SEC62: variants seen among roughly 807,000 people sequenced by gnomAD.
SEC62 encodes translocation protein SEC62.
In SEC62, 10 loss-of-function variants were observed where a neutral mutation model predicts 47.5. That is an observed-to-expected ratio of 0.21 (90% CI 0.13 to 0.36). SEC62 has a LOEUF of 0.36. SEC62 is among the 10% of genes least tolerant of loss of function. The pLI, the probability that SEC62 is intolerant of heterozygous loss-of-function variation, is 1.00. For missense variants in SEC62, 327 were observed against 464.1 expected, an observed-to-expected ratio of 0.70 and a Z score of 2.71; for synonymous variants, 136 against 150.5, an observed-to-expected ratio of 0.90 and a Z score of 0.71.
At chr3:169,976,086 G>A (rs1017032745) in intron 2 of SEC62, among the ~76,000 whole-genome samples, 5 of 152,118 alleles carry the variant, frequency 3.3e-5, no homozygotes, top group African/African-American at 9.7e-5. Flanking sequence ...GGTTGAGTTT[G>A]CCTTTCTCAT....
Position 169,997,959 on chromosome 3 carries a change from A to G in SEC62, c.*4896A>G, listed in dbSNP as rs955036136. The G allele has an allele frequency of 6.6e-6, 1 of 152,266 alleles. No homozygotes were observed. The highest frequency in any genetic ancestry group is 6.5e-5 in the Admixed American group (1 of 15,290). 9.4% of individuals were successfully genotyped at this position (152,266 alleles called of 1,614,324 possible). A position where few individuals can be genotyped will look rare whatever the true frequency, so the allele number is the denominator to read the frequency against. On this transcript the variant is annotated 3_prime_UTR_variant, in exon 8 of 8. Coordinates refer to ENST00000337002, the MANE Select transcript of SEC62 (RefSeq NM_003262.4). ...ATAAAACATATATTAGATATCTGCA[A>G]CAACTGTGATGTAACATGAAAATAC... is the stretch of plus-strand genomic sequence containing the variant.
At chr3:169,981,014 G>A (rs952767875) in intron 3 of SEC62, among the ~76,000 whole-genome samples, 3 of 151,968 alleles carry the variant, frequency 2.0e-5, no homozygotes, top group Admixed American at 1.3e-4. Flanking sequence ...AAGACATTCT[G>A]GAGTAAAAAA....
At chr3:169,983,378 C>T in intron 5 of SEC62, 125 bp downstream of exon 5, 1 of 467,192 alleles carries the variant, frequency 2.1e-6, no homozygotes, top group South Asian at 5.0e-5. Context: ...TGTATAAAAG[C>T]TACTCCATTT....
intron 6 of SEC62, 120 bp downstream of exon 6, chr3:169,985,985 C>A: frequency 8.4e-6 from 5 of 593,770 alleles, no homozygotes; most frequent in Non-Finnish European, 1.4e-5. Flanking sequence ...TTTAAAAATA[C>A]TTTAAATAAA....
rs1714984415 is a variant in SEC62, at chr3:169,981,970, T to C, written c.252-737T>C. ...GACCTGCTTATTTGGGGGAAGAGCATTCTAAGTAAAGGGAACAGCCAGTGT... is the reference window on the plus strand; with the variant it reads ...GACCTGCTTATTTGGGGGAAGAGCACTCTAAGTAAAGGGAACAGCCAGTGT... On this transcript the variant is annotated intron_variant, in intron 3 of 7. Transcript: ENST00000337002. Among the ~76,000 whole-genome samples the C allele has an allele frequency of 2.6e-5, 4 of 152,098 alleles. No individual in the cohort carries two copies. The South Asian group carries it at 8.3e-4, about 32-fold the overall frequency.
chr3:169,975,280 CAA>C (rs5854360), intron 1 of SEC62, among the ~76,000 whole-genome samples: 8 of 70,620 alleles, frequency 1.1e-4, no homozygotes, highest in African/African-American at 1.2e-4. Context: ...GACTCCATCT[CAA>C]AAAAAAAAAA....
In SEC62 at chr3:169,984,618, A is replaced by G. The variant is rs1283161295; in HGVS notation, c.550-1187A>G. ...TTCTGTAGAAAGCAGCATGCACTCC[A>G]TAACTTTTAAAGTTGTGAAATATCT... On this transcript the variant is annotated intron_variant, in intron 5 of 7. Coordinates refer to ENST00000337002, the MANE Select transcript of SEC62 (RefSeq NM_003262.4). Among the ~76,000 whole-genome samples, 5 of 152,232 alleles carry G rather than the reference A, an allele frequency of 3.3e-5. No homozygotes were observed. The East Asian group carries it at 7.7e-4, about 23-fold the overall frequency.
rs555250313 is a variant in SEC62, at chr3:169,993,395, A to T, written c.*332A>T. The stretch of plus-strand genomic sequence containing the variant: ...TAGTTTTATGGCTTTTTACTGTTAG[A>T]CTAATCAAAAATAACTTTAAAAGGA... On this transcript the variant is annotated 3_prime_UTR_variant, in exon 8 of 8. Coordinates refer to ENST00000337002, the MANE Select transcript of SEC62 (RefSeq NM_003262.4). 3.5e-5 allele frequency: 7 copies of T among 197,824 alleles called. 1 individual carries two copies. In the South Asian group the frequency reaches 9.2e-4, roughly 26 times the overall value. 12.3% of individuals were successfully genotyped at this position (197,824 alleles called of 1,614,324 possible).
chr3:169,993,190 T>G lies in SEC62; in HGVS notation c.*127T>G. The G allele has an allele frequency of 1.4e-6, 1 of 713,868 alleles. No homozygotes were observed. Among genetic ancestry groups the G allele is most frequent in the Non-Finnish European group, 2.3e-6 (1 of 433,992 alleles). 44.2% of individuals were successfully genotyped at this position (713,868 alleles called of 1,614,324 possible). A position where few individuals can be genotyped will look rare whatever the true frequency, so the allele number is the denominator to read the frequency against. On this transcript the variant is annotated 3_prime_UTR_variant, in exon 8 of 8. Coordinates refer to ENST00000337002, the MANE Select transcript of SEC62 (RefSeq NM_003262.4). ...TCTATCTACTGAAATGTATTTGACATTCAAGCAGTTATATTCGGTCCTTCA... is the reference window on the plus strand; with the variant it reads ...TCTATCTACTGAAATGTATTTGACAGTCAAGCAGTTATATTCGGTCCTTCA...
chr3:169,972,313 G>A (rs1440676525), intron 1 of SEC62, among the ~76,000 whole-genome samples: 1 of 152,120 alleles, frequency 6.6e-6, no homozygotes, highest in African/African-American at 2.4e-5. Context: ...GCCAAATTTT[G>A]TGTCATTCTC....
chr3:169,972,606 G>C (rs1434676749), intron 1 of SEC62, among the ~76,000 whole-genome samples: 4 of 116,986 alleles, frequency 3.4e-5, no homozygotes, highest in African/African-American at 1.3e-4. Context: ...TTTTTATGTA[G>C]AGAAGGAGTT....
chr3:169,971,097 G>T (rs1300582420), intron 1 of SEC62, among the ~76,000 whole-genome samples: 1 of 149,618 alleles, frequency 6.7e-6, no homozygotes, highest in African/African-American at 2.5e-5. Context: ...AAGAGACAAG[G>T]TCTCACTGTG....
rs1017750979 is a variant in SEC62 at position 169,993,333 on chromosome 3, T to C, written c.*270T>C. ...ATTTTGACAGTTATCAAAGATGTAC[T>C]TTCCACAGTTAAATTTACATTAATG... On this transcript the variant is annotated 3_prime_UTR_variant, in exon 8 of 8. Coordinates refer to ENST00000337002, the MANE Select transcript of SEC62 (RefSeq NM_003262.4). The C allele has an allele frequency of 1.3e-5, 4 of 303,518 alleles. No individual in the cohort carries two copies. The highest frequency in any genetic ancestry group is 8.7e-5 in the African/African-American group (4 of 45,856). The allele number at this position is 303,518 out of a possible 1,614,324, so 18.8% of individuals were successfully genotyped here. A position where few individuals can be genotyped will look rare whatever the true frequency, so the allele number is the denominator to read the frequency against.
Position 169,976,644 on chromosome 3 carries a change from A to G in SEC62, c.146-302A>G, listed in dbSNP as rs192483553. Among the ~76,000 whole-genome samples, 55 of 152,354 alleles carry G rather than the reference A, an allele frequency of 3.6e-4. No homozygotes were observed. The East Asian group carries it at 9.6e-3, about 27-fold the overall frequency. ...TATCTACATATGCTTGTGATTAATA[A>G]GAGTGATAGTTACATACAGATATTT... On this transcript the variant is annotated intron_variant, in intron 2 of 7. Coordinates refer to ENST00000337002, the MANE Select transcript of SEC62 (RefSeq NM_003262.4).
At chr3:169,968,665 C>G (rs1714616986) in intron 1 of SEC62, 1 of 152,122 alleles carries the variant, frequency 6.6e-6, no homozygotes, top group South Asian at 2.1e-4. Context: ...CTACTCCTTA[C>G]CCAGGATGAA....
chr3:169,974,760 T>C (rs570663183), intron 1 of SEC62, among the ~76,000 whole-genome samples: 1 of 152,326 alleles, frequency 6.6e-6, no homozygotes, highest in South Asian at 2.1e-4. Flanking sequence ...GGAAAGAGAA[T>C]ACAAATTGTC....
chr3:169,978,227 C>T (rs1486717592), intron 3 of SEC62, among the ~76,000 whole-genome samples: 1 of 151,970 alleles, frequency 6.6e-6, no homozygotes, highest in Admixed American at 6.6e-5. Context: ...TGCAGTGAGC[C>T]GAGGTTGCGC....
intron 3 of SEC62, among the ~76,000 whole-genome samples, chr3:169,981,477 A>G (rs1714971921): frequency 6.6e-6 from 1 of 152,206 alleles, no homozygotes; most frequent in Non-Finnish European, 1.5e-5. Flanking sequence ...AGTGAGGTGT[A>G]AGTAGAAAGG....
intron 7 of SEC62, among the ~76,000 whole-genome samples, chr3:169,988,608 A>G (rs575980491): frequency 4.6e-5 from 7 of 152,308 alleles, no homozygotes; most frequent in Non-Finnish European, 8.8e-5. Context: ...TCATAATTGT[A>G]TACATTTATG....
Sources: gnomAD v4.1 joint callset for allele counts (sites outside exome capture counted in the v4.1 genomes callset) on GRCh38, gnomAD v4.1.1 for gene constraint, MANE v1.5 for transcripts, NCBI Gene and HGNC (gene_info 2026-07-23, HGNC 2026-07-21) for gene names.